The following MTUS2 variants were observed in gnomAD, a reference collection of about 807,000 sequenced individuals.
MTUS2 encodes the protein microtubule associated scaffold protein 2, also known as microtubule-associated tumor suppressor candidate 2.
MTUS2 carries 40 observed loss-of-function variants against 114.1 expected under a neutral mutation model. The ratio of observed to expected loss-of-function variants is 0.35; its 90% CI spans 0.27 to 0.46. MTUS2 has a LOEUF of 0.46. Ranked by LOEUF, MTUS2 falls within the 20% of genes least tolerant of loss-of-function variation. The pLI is 1.00. For synonymous variants in MTUS2, 688 were observed against 672.0 expected, an observed-to-expected ratio of 1.02 and a Z score of -0.37; for missense variants, 1,679 against 1,705.4, an observed-to-expected ratio of 0.98 and a Z score of 0.27.
chr13:29,215,474 GTTTTT>G (rs71090232), intron 5 of MTUS2, among the ~76,000 whole-genome samples: 4,548 of 130,064 alleles, frequency 0.035, 156 homozygotes, highest in African/African-American at 0.093. Flanking sequence ...TTTTTTTGCT[GTTTTT>G]TTTTTTTTTT....
intron 2 of MTUS2, among the ~76,000 whole-genome samples, chr13:28,892,128 G>A (rs1878968957): frequency 6.6e-6 from 1 of 152,040 alleles, no homozygotes; most frequent in Admixed American, 6.6e-5. Context: ...TTACTTCTCA[G>A]CCTTTTTCAC....
intron 5 of MTUS2, among the ~76,000 whole-genome samples, chr13:29,187,529 G>C (rs1260225773): frequency 6.6e-6 from 1 of 152,180 alleles, no homozygotes; most frequent in Non-Finnish European, 1.5e-5. Context: ...AAACTGTTTT[G>C]AGCATTAAAT....
At chr13:29,334,783 C>T (rs1194790103) in intron 7 of MTUS2, among the ~76,000 whole-genome samples, 2 of 152,172 alleles carry the variant, frequency 1.3e-5, no homozygotes, top group Non-Finnish European at 2.9e-5. Context: ...AACGGAGGGA[C>T]TGGCTGAAGC....
intron 1 of MTUS2, among the ~76,000 whole-genome samples, chr13:28,835,596 C>T (rs754272940): frequency 4.6e-5 from 7 of 152,006 alleles, no homozygotes; most frequent in East Asian, 1.9e-4. Context: ...CATGACCTTG[C>T]GAATGTGATA....
intron 8 of MTUS2, among the ~76,000 whole-genome samples, chr13:29,404,123 A>G (rs1475831658): frequency 2.0e-5 from 3 of 149,978 alleles, no homozygotes; most frequent in African/African-American, 4.9e-5. Flanking sequence ...TCCCTCCCCT[A>G]TTAAAAATCT....
chr13:28,862,308 A>G (rs1031919637), intron 2 of MTUS2, among the ~76,000 whole-genome samples: 1 of 152,250 alleles, frequency 6.6e-6, no homozygotes, highest in Non-Finnish European at 1.5e-5. Context: ...TAGAAAAGCC[A>G]GAAGAAAACA....
intron 7 of MTUS2, among the ~76,000 whole-genome samples, chr13:29,347,719 C>A (rs1868847551): frequency 6.6e-6 from 1 of 152,104 alleles, no homozygotes; most frequent in Admixed American, 6.5e-5. Context: ...ACAAGACTAC[C>A]CCTCACTTTA....
intron 9 of MTUS2, among the ~76,000 whole-genome samples, chr13:29,456,452 G>A (rs1879116269): frequency 6.6e-6 from 1 of 152,134 alleles, no homozygotes; most frequent in Admixed American, 6.5e-5. Flanking sequence ...AAGAAATAAT[G>A]GGCAGAAATA....
intron 5 of MTUS2, among the ~76,000 whole-genome samples, chr13:29,257,662 G>A (rs1050284501): frequency 1.3e-5 from 2 of 152,158 alleles, no homozygotes; most frequent in Non-Finnish European, 2.9e-5. Flanking sequence ...AGAAAGAGGA[G>A]GTTGGCAAAG....
At chr13:29,301,101 A>C (rs4769010) in intron 6 of MTUS2, among the ~76,000 whole-genome samples, 50,342 of 151,844 alleles carry the variant, frequency 0.33, 8,609 homozygotes, top group Admixed American at 0.45. Context: ...TTTGCTAATC[A>C]ATAGTCACCC....
intron 5 of MTUS2, among the ~76,000 whole-genome samples, chr13:29,269,776 A>G (rs1897807608): frequency 6.6e-6 from 1 of 152,212 alleles, no homozygotes; most frequent in Admixed American, 6.5e-5. Context: ...TCATTGTGGC[A>G]CTATTCATAA....
intron 2 of MTUS2, among the ~76,000 whole-genome samples, chr13:28,910,534 C>G (rs961873767): frequency 2.7e-4 from 41 of 152,066 alleles, no homozygotes; most frequent in Admixed American, 2.7e-3. Context: ...TCCTGATGCT[C>G]TTCCTCCCCC....
intron 2 of MTUS2, among the ~76,000 whole-genome samples, chr13:28,905,993 G>A (rs1273621614): frequency 6.6e-6 from 1 of 151,748 alleles, no homozygotes; most frequent in Non-Finnish European, 1.5e-5. Context: ...GAGGGTGTAT[G>A]TGTCGAGGAA....
chr13:29,062,857 A>G (rs1888486659), intron 4 of MTUS2, among the ~76,000 whole-genome samples: 3 of 152,214 alleles, frequency 2.0e-5, no homozygotes, highest in Non-Finnish European at 2.9e-5. Context: ...GAGTCTTAAC[A>G]GATCTTGATG....
At chr13:29,072,973 T>C (rs1322383) in intron 4 of MTUS2, among the ~76,000 whole-genome samples, 88,022 of 152,016 alleles carry the variant, frequency 0.58, 25,783 homozygotes, top group Non-Finnish European at 0.61. Context: ...AATTTCCTTC[T>C]GTTGGTAGCA....
rs544890143 is a variant in MTUS2, at chr13:29,260,893, C to T, written c.2645-20811C>T. ...CTACTGGCATCTAGTGGGTAGAGGC[C>T]GGGGTTGCTGCTGAACCTCTTACAA... On this transcript the variant is annotated intron_variant, in intron 5 of 15. Transcript: ENST00000612955. 1.2e-4 allele frequency among the ~76,000 whole-genome samples: 18 copies of T among 152,204 alleles called. 1 individual carries two copies. The highest frequency in any genetic ancestry group is 2.9e-4 in the African/African-American group (12 of 41,534).
At chr13:29,135,572 T>C (rs964960978) in intron 5 of MTUS2, among the ~76,000 whole-genome samples, 1 of 152,234 alleles carries the variant, frequency 6.6e-6, no homozygotes, top group African/African-American at 2.4e-5. Flanking sequence ...CATTTTGTTA[T>C]TTGTTTTCTA....
At chr13:29,161,033 G>A (rs1219833463) in intron 5 of MTUS2, among the ~76,000 whole-genome samples, 1 of 152,216 alleles carries the variant, frequency 6.6e-6, no homozygotes, top group Non-Finnish European at 1.5e-5. Context: ...GGAGGAAGGT[G>A]AGTGTGGTTT....
At chr13:28,956,909 T>A (rs1335132193) in intron 2 of MTUS2, among the ~76,000 whole-genome samples, 1 of 135,156 alleles carries the variant, frequency 7.4e-6, no homozygotes. Context: ...GGAAGAAGGC[T>A]GCCCTCGAGA....
Sources: allele counts gnomAD v4.1 joint callset (sites outside exome capture counted in the v4.1 genomes callset), GRCh38; gene constraint gnomAD v4.1.1; transcripts MANE v1.5; gene names NCBI Gene and HGNC (gene_info 2026-07-23, HGNC 2026-07-21).